The following SIL1 variants were observed in gnomAD, a reference collection of about 807,000 sequenced individuals.
The protein encoded by SIL1 is SIL1 nucleotide exchange factor.
SIL1 carries 40 observed loss-of-function variants against 49.1 expected under a neutral mutation model. That is an observed-to-expected ratio of 0.81 (90% CI 0.63 to 1.06). The LOEUF (loss-of-function observed/expected upper bound fraction) is 1.06. Among genes scored for constraint, SIL1 ranks in the 50% least tolerant of loss-of-function variants. SIL1 has a pLI of 0.00. For synonymous variants in SIL1, 253 were observed against 250.8 expected, an observed-to-expected ratio of 1.01 and a Z score of -0.08; for missense variants, 500 against 572.6, an observed-to-expected ratio of 0.87 and a Z score of 1.29.
intron 1 of SIL1, among the ~76,000 whole-genome samples, chr5:139,180,217 A>C (rs188675025): frequency 2.0e-5 from 3 of 151,600 alleles, no homozygotes; most frequent in Admixed American, 2.0e-4. Flanking sequence ...CATCTCTACT[A>C]AAAACACAAA....
At chr5:139,138,638 T>A (rs1280473314) in intron 1 of SIL1, among the ~76,000 whole-genome samples, 1 of 152,172 alleles carries the variant, frequency 6.6e-6, no homozygotes, top group Non-Finnish European at 1.5e-5. Context: ...AACCCCTTCA[T>A]CTATAAGAGG....
At chr5:139,189,594 G>C (rs1165614284) in intron 1 of SIL1, among the ~76,000 whole-genome samples, 2 of 152,228 alleles carry the variant, frequency 1.3e-5, no homozygotes, top group Non-Finnish European at 2.9e-5. Context: ...GGTCCAGGCG[G>C]GTGGATCACC....
chr5:139,098,899 C>G (rs987089298), intron 3 of SIL1, among the ~76,000 whole-genome samples: 1 of 145,694 alleles, frequency 6.9e-6, no homozygotes, highest in African/African-American at 2.5e-5. Context: ...TCACCACAAC[C>G]TCTGCCTCCC....
chr5:139,035,952 C>G (rs1367739754), intron 5 of SIL1: 1 of 152,378 alleles, frequency 6.6e-6, no homozygotes, highest in African/African-American at 2.4e-5. Context: ...CCCGGCCAGG[C>G]ATACAACTTT....
chr5:138,964,325 C>T (rs563248065), intron 7 of SIL1, among the ~76,000 whole-genome samples: 2 of 152,274 alleles, frequency 1.3e-5, no homozygotes, highest in South Asian at 4.1e-4. Flanking sequence ...TAACAGCCGA[C>T]AGAGACGCGC....
intron 7 of SIL1, among the ~76,000 whole-genome samples, chr5:138,991,936 A>G (rs1247455588): frequency 6.6e-6 from 1 of 152,228 alleles, no homozygotes; most frequent in African/African-American, 2.4e-5. Context: ...AATCAGGGCT[A>G]TTTCTAAAAA....
chr5:138,975,557 G>C (rs181419803), intron 7 of SIL1, among the ~76,000 whole-genome samples: 3 of 152,280 alleles, frequency 2.0e-5, no homozygotes, highest in East Asian at 3.9e-4. Context: ...TCTCCAGCAC[G>C]GTCACCGGCG....
At position 138,947,315 on chromosome 5, in the gene SIL1, C is replaced by T. The variant is rs1766655941; in HGVS notation, c.1188G>A (p.Lys396=). 1.2e-6 allele frequency: 2 copies of T among 1,613,474 alleles called. No homozygotes were observed. Among genetic ancestry groups the T allele is most frequent in the African/African-American group, 2.7e-5 (2 of 74,942 alleles). Reference sequence around the variant, plus strand: ...GGAGGACGCCCAGTGTCTGCAGCACCTTCTCACGGGCATCATGCTCGGGCA... The same window carrying T: ...GGAGGACGCCCAGTGTCTGCAGCACTTTCTCACGGGCATCATGCTCGGGCA... ...LALPEHDARE[K]VLQTLGVLLT... is the part of the protein sequence containing the mutation. The change falls in exon 10 of 10, where the codon AAG becomes AAA. Residue 396 remains lysine, a synonymous_variant. Coordinates refer to ENST00000394817, the MANE Select transcript of SIL1 (RefSeq NM_022464.5). This position sits in a 1 kb window ranked among gnomAD's most constrained non-coding sequence, Gnocchi z 4.1.
intron 3 of SIL1, among the ~76,000 whole-genome samples, chr5:139,056,216 A>G (rs1769418162): frequency 1.4e-5 from 2 of 147,358 alleles, no homozygotes; most frequent in Admixed American, 6.7e-5. Flanking sequence ...CATCCCATCT[A>G]GGAAGTGAGG....
At chr5:139,106,708 A>G (rs1475272250) in intron 3 of SIL1, among the ~76,000 whole-genome samples, 1 of 152,252 alleles carries the variant, frequency 6.6e-6, no homozygotes, top group Non-Finnish European at 1.5e-5. Flanking sequence ...TCCAATGATG[A>G]TAATGGCTTT....
intron 7 of SIL1, among the ~76,000 whole-genome samples, chr5:138,952,632 G>A (rs924956250): frequency 1.3e-5 from 2 of 152,240 alleles, no homozygotes; most frequent in Admixed American, 6.5e-5. Context: ...TGAACAACAC[G>A]TGTACACAAC....
At chr5:139,097,806 C>A (rs1275297725) in intron 3 of SIL1, among the ~76,000 whole-genome samples, 6 of 152,084 alleles carry the variant, frequency 3.9e-5, no homozygotes, top group Admixed American at 3.9e-4. Flanking sequence ...TATATGCCAA[C>A]AGTGAACAAT....
At chr5:138,960,324 GTGAAGGCTCTGTTGACAT>G (rs1451176808) in intron 7 of SIL1, among the ~76,000 whole-genome samples, 2 of 151,490 alleles carry the variant, frequency 1.3e-5, no homozygotes, top group African/African-American at 4.9e-5. Context: ...CATCACTACA[GTGAAGGCTCTGTTGACAT>G]TGAACCACTT....
At chr5:139,134,610 G>A (rs139515658) in intron 1 of SIL1, among the ~76,000 whole-genome samples, 3 of 152,306 alleles carry the variant, frequency 2.0e-5, no homozygotes, top group African/African-American at 4.8e-5. Context: ...ACTCCCAGGA[G>A]GTAAAGGAAA....
intron 5 of SIL1, among the ~76,000 whole-genome samples, chr5:139,032,038 G>T (rs1352058622): frequency 6.6e-6 from 1 of 152,080 alleles, no homozygotes; most frequent in African/African-American, 2.4e-5. Context: ...AGTTATACAT[G>T]GACAACTGTG....
chr5:138,979,577 T>TA (rs1767471827), intron 7 of SIL1, among the ~76,000 whole-genome samples: 1 of 151,834 alleles, frequency 6.6e-6, no homozygotes, highest in African/African-American at 2.4e-5. Flanking sequence ...GATCTCGACT[T>TA]ACTGCAGCCT....
At chr5:139,145,771 G>A (rs968903758) in intron 1 of SIL1, among the ~76,000 whole-genome samples, 2 of 151,698 alleles carry the variant, frequency 1.3e-5, no homozygotes, top group Non-Finnish European at 2.9e-5. Context: ...ACTATTCTAA[G>A]TGAAATAAGC....
intron 7 of SIL1, among the ~76,000 whole-genome samples, chr5:138,990,514 G>C (rs1330665013): frequency 1.3e-5 from 2 of 152,144 alleles, no homozygotes; most frequent in Non-Finnish European, 2.9e-5. Context: ...GAGTCCAGTG[G>C]CGTTATCATG....
intron 5 of SIL1, among the ~76,000 whole-genome samples, chr5:139,030,952 C>A (rs538498222): frequency 2.0e-5 from 3 of 152,068 alleles, no homozygotes; most frequent in Non-Finnish European, 4.4e-5. Context: ...CATAATTTTT[C>A]CCTTGATTAT....
Sources: allele counts gnomAD v4.1 joint callset (sites outside exome capture counted in the v4.1 genomes callset), GRCh38; gene constraint gnomAD v4.1.1; non-coding constraint Gnocchi (gnomAD v3.1); transcripts MANE v1.5; gene names NCBI Gene and HGNC (gene_info 2026-07-23, HGNC 2026-07-21).